The following MBD2 variants were observed in gnomAD, a reference collection of about 807,000 sequenced individuals.
MBD2 encodes methyl-CpG-binding domain protein 2.
Under a neutral mutation model 39.3 loss-of-function variants are expected in MBD2, and 9 were observed. The ratio of observed to expected loss-of-function variants is 0.23; its 90% CI spans 0.14 to 0.40. The LOEUF (loss-of-function observed/expected upper bound fraction) is 0.40. MBD2 is among the 10% of genes least tolerant of loss of function. The pLI is 1.00. For missense variants in MBD2, 458 were observed against 532.6 expected (o/e 0.86, Z 1.38); for synonymous variants, 233 against 211.1 (o/e 1.10, Z -0.90).
At chr18:54,159,420 C>CT (rs112503497) in intron 6 of MBD2, among the ~76,000 whole-genome samples, 135 of 145,630 alleles carry the variant, frequency 9.3e-4, no homozygotes, top group African/African-American at 1.3e-3. Flanking sequence ...ACAGCGACAC[C>CT]TTTTTTTTTT....
chr18:54,206,963 C>T (rs944723391), intron 1 of MBD2, among the ~76,000 whole-genome samples: 1 of 152,230 alleles, frequency 6.6e-6, no homozygotes, highest in African/African-American at 2.4e-5. Context: ...TATTCCGCAC[C>T]TGTGTCAGTG....
intron 2 of MBD2, among the ~76,000 whole-genome samples, chr18:54,202,081 G>C (rs3017292): frequency 0.038 from 5,818 of 151,886 alleles, 357 homozygotes; most frequent in African/African-American, 0.13. Flanking sequence ...GGTGTCTCAC[G>C]CCTGTAATCC....
At chr18:54,217,347 T>C (rs2086570186) in intron 1 of MBD2, among the ~76,000 whole-genome samples, 1 of 152,224 alleles carries the variant, frequency 6.6e-6, no homozygotes, top group Non-Finnish European at 1.5e-5. Flanking sequence ...ATATTCCATA[T>C]TTTTATTCTC....
chr18:54,204,968 C>A, intron 2 of MBD2, 30 bp downstream of exon 2: 1 of 1,601,056 alleles, frequency 6.2e-7, no homozygotes, highest in Non-Finnish European at 8.5e-7. Flanking sequence ...TTCGAAGTAG[C>A]ATATACATGC....
At chr18:54,182,814 C>A (rs1043987450) in intron 3 of MBD2, among the ~76,000 whole-genome samples, 4 of 152,022 alleles carry the variant, frequency 2.6e-5, no homozygotes, top group Admixed American at 6.6e-5. Context: ...CACCTGTGGT[C>A]CCGGCTACTC....
At chr18:54,190,270 C>T (rs1314835246) in intron 2 of MBD2, among the ~76,000 whole-genome samples, 1 of 152,104 alleles carries the variant, frequency 6.6e-6, no homozygotes, top group Non-Finnish European at 1.5e-5. Context: ...AAATCCATTC[C>T]CAGCCTAAGC....
rs762223673 is a variant in MBD2, at chr18:54,224,032, A to G, written c.528T>C (p.Asp176=). The change falls in exon 1 of 7, where the codon GAT becomes GAC. Residue 176 remains aspartate, a synonymous_variant. Transcript: ENST00000256429. ...RKSGLSAGKS[D]VYYFSPSGKK... ...CAGGGAGGTACCTGAAGTAGTAGAC[A>G]TCGCTCTTGCCAGCACTTAGCCCAG... 12 of 1,589,760 alleles carry G rather than the reference A, an allele frequency of 7.5e-6. No homozygotes were observed. The highest frequency in any genetic ancestry group is 1.1e-5 in the South Asian group (1 of 90,388).
intron 6 of MBD2, among the ~76,000 whole-genome samples, chr18:54,156,616 G>A (rs757846738): frequency 4.6e-5 from 7 of 152,126 alleles, no homozygotes; most frequent in African/African-American, 9.7e-5. Context: ...AGGCTGAGAC[G>A]GGTGGATCAC....
intron 1 of MBD2, among the ~76,000 whole-genome samples, chr18:54,216,920 G>A (rs1045050426): frequency 2.0e-5 from 3 of 151,944 alleles, no homozygotes; most frequent in Non-Finnish European, 4.4e-5. Context: ...GTGAAATCTC[G>A]TCTACTAAAA....
At chr18:54,200,977 G>A (rs1359330055) in intron 2 of MBD2, among the ~76,000 whole-genome samples, 1 of 152,032 alleles carries the variant, frequency 6.6e-6, no homozygotes, top group Non-Finnish European at 1.5e-5. Flanking sequence ...CTACTTGGGA[G>A]GCTGAGGCAG....
chr18:54,220,668 T>C (rs1452850773), intron 1 of MBD2, among the ~76,000 whole-genome samples: 1 of 152,250 alleles, frequency 6.6e-6, no homozygotes, highest in Non-Finnish European at 1.5e-5. Context: ...AACCCACTTT[T>C]AGCAGATAGT....
rs1301604828 is a variant in MBD2, at chr18:54,207,119, AAT to A, written c.543-1964_543-1963del. On this transcript the variant is annotated intron_variant, in intron 1 of 6. Coordinates refer to ENST00000256429, the MANE Select transcript of MBD2 (RefSeq NM_003927.5). ...GTTGACAAAAAAGCTTCACCTCCTTAATAAGTCATCGAAAGCTTTATATCTGT... is the reference window on the plus strand; with the variant it reads ...GTTGACAAAAAAGCTTCACCTCCTTAAAGTCATCGAAAGCTTTATATCTGT... 4.9e-4 allele frequency among the ~76,000 whole-genome samples: 75 copies of A among 152,200 alleles called. 3 individuals are homozygous for A. Among genetic ancestry groups the A allele is most frequent in the Non-Finnish European group, 8.8e-5 (6 of 68,038 alleles).
intron 3 of MBD2, among the ~76,000 whole-genome samples, chr18:54,168,598 T>TAC (rs1491141841): frequency 1.5e-5 from 2 of 136,020 alleles, no homozygotes; most frequent in African/African-American, 6.0e-5. Context: ...TATATATATA[T>TAC]TTATGTATGC....
chr18:54,220,443 A>G (rs2086601023), intron 1 of MBD2, among the ~76,000 whole-genome samples: 1 of 152,216 alleles, frequency 6.6e-6, no homozygotes, highest in African/African-American at 2.4e-5. Context: ...GTTTCAAAAC[A>G]GCACCCAAAA....
chr18:54,201,261 A>G (rs1014047491), intron 2 of MBD2, among the ~76,000 whole-genome samples: 4 of 152,134 alleles, frequency 2.6e-5, no homozygotes, highest in Non-Finnish European at 5.9e-5. Flanking sequence ...AACTGTGCTG[A>G]TGACTTCCAA....
intron 1 of MBD2, among the ~76,000 whole-genome samples, chr18:54,205,675 T>G (rs1240449229): frequency 1.3e-5 from 2 of 151,066 alleles, no homozygotes; most frequent in Admixed American, 6.6e-5. Context: ...TCACCTAATA[T>G]AATGCTCCCC....
intron 2 of MBD2, among the ~76,000 whole-genome samples, chr18:54,202,182 A>C (rs2086413529): frequency 6.6e-6 from 1 of 151,922 alleles, no homozygotes; most frequent in African/African-American, 2.4e-5. Context: ...AACTCTACTA[A>C]AAATACAAAA....
At chr18:54,171,869 C>G (rs1354819527) in intron 3 of MBD2, among the ~76,000 whole-genome samples, 1 of 152,220 alleles carries the variant, frequency 6.6e-6, no homozygotes, top group Non-Finnish European at 1.5e-5. Flanking sequence ...AAATAACTTA[C>G]ACAATTAATC....
At chr18:54,210,683 G>A (rs918512371) in intron 1 of MBD2, among the ~76,000 whole-genome samples, 1 of 152,120 alleles carries the variant, frequency 6.6e-6, no homozygotes, top group African/African-American at 2.4e-5. Context: ...TGGCCTGTGA[G>A]TGACAAGGGG....
Sources: allele counts gnomAD v4.1 joint callset (sites outside exome capture counted in the v4.1 genomes callset), GRCh38; gene constraint gnomAD v4.1.1; transcripts MANE v1.5; gene names NCBI Gene and HGNC (gene_info 2026-07-23, HGNC 2026-07-21).